MAGI2: variants seen among roughly 807,000 people sequenced by gnomAD.
MAGI2 encodes the protein membrane-associated guanylate kinase, WW and PDZ domain-containing protein 2.
MAGI2 carries 35 observed loss-of-function variants against 133.3 expected under a neutral mutation model. The observed-to-expected ratio is 0.26, with a 90% CI of 0.20 to 0.35. The LOEUF (loss-of-function observed/expected upper bound fraction) is 0.35. MAGI2 is among the 10% of genes least tolerant of loss of function. MAGI2 has a pLI of 1.00. For missense variants in MAGI2, 1,636 were observed against 1,863.4 expected (o/e 0.88, Z 2.25); for synonymous variants, 729 against 710.6 (o/e 1.03, Z -0.41).
chr7:78,816,708 C>A (rs1350796011), intron 2 of MAGI2, among the ~76,000 whole-genome samples: 1 of 152,048 alleles, frequency 6.6e-6, no homozygotes, highest in African/African-American at 2.4e-5. Flanking sequence ...ATATTTTAAG[C>A]CCACTGTTGA....
At chr7:79,260,075 C>G (rs1415865258) in intron 1 of MAGI2, among the ~76,000 whole-genome samples, 1 of 152,206 alleles carries the variant, frequency 6.6e-6, no homozygotes, top group African/African-American at 2.4e-5. Context: ...CAGTACAAGG[C>G]TGGGCATGGT....
intron 3 of MAGI2, among the ~76,000 whole-genome samples, chr7:78,542,977 A>G (rs931560777): frequency 6.6e-6 from 1 of 152,228 alleles, no homozygotes; most frequent in Non-Finnish European, 1.5e-5. Flanking sequence ...TGCATTAGAT[A>G]TCATTAAAAC....
intron 2 of MAGI2, among the ~76,000 whole-genome samples, chr7:78,755,073 T>C (rs902437812): frequency 1.3e-5 from 2 of 152,214 alleles, no homozygotes; most frequent in Non-Finnish European, 2.9e-5. Context: ...AGTAATATCA[T>C]TTACACTATG....
chr7:78,636,351 C>CTTTT (rs34984460), intron 2 of MAGI2, among the ~76,000 whole-genome samples: 17 of 129,218 alleles, frequency 1.3e-4, no homozygotes, highest in East Asian at 9.0e-4. Context: ...CAAAAACAGG[C>CTTTT]TTTTTTTTTT....
At chr7:78,159,286 G>A (rs529737842) in intron 16 of MAGI2, among the ~76,000 whole-genome samples, 1 of 152,252 alleles carries the variant, frequency 6.6e-6, no homozygotes, top group East Asian at 1.9e-4. Context: ...GAACCTACAG[G>A]GATGTTTAAA....
intron 2 of MAGI2, among the ~76,000 whole-genome samples, chr7:78,660,230 C>A (rs989591491): frequency 1.3e-5 from 2 of 151,868 alleles, no homozygotes; most frequent in African/African-American, 4.8e-5. Context: ...ATGTAACAAA[C>A]CTGCACGTTG....
intron 2 of MAGI2, among the ~76,000 whole-genome samples, chr7:78,666,361 T>C (rs1421236197): frequency 6.6e-6 from 1 of 152,194 alleles, no homozygotes; most frequent in Non-Finnish European, 1.5e-5. Flanking sequence ...ATAAACATTC[T>C]GTCCAGTTAC....
chr7:78,196,655 C>A (rs1828767519), intron 11 of MAGI2, among the ~76,000 whole-genome samples: 1 of 152,136 alleles, frequency 6.6e-6, no homozygotes, highest in African/African-American at 2.4e-5. Context: ...CTGTGTAACA[C>A]CAGAGACACC....
At chr7:78,475,341 G>T (rs971164695) in intron 6 of MAGI2, among the ~76,000 whole-genome samples, 4 of 151,988 alleles carry the variant, frequency 2.6e-5, no homozygotes, top group African/African-American at 9.7e-5. Flanking sequence ...CAAGGTAAAA[G>T]AATAGCTGGA....
chr7:78,806,911 A>G (rs1425179682), intron 2 of MAGI2, among the ~76,000 whole-genome samples: 1 of 149,668 alleles, frequency 6.7e-6, no homozygotes, highest in African/African-American at 2.5e-5. Flanking sequence ...ATAAAATAAA[A>G]TAAAATAAAA....
At chr7:78,506,424 T>C (rs1795093507) in intron 4 of MAGI2, among the ~76,000 whole-genome samples, 1 of 152,260 alleles carries the variant, frequency 6.6e-6, no homozygotes, top group Admixed American at 6.5e-5. Flanking sequence ...TAGATGGTAC[T>C]ATAATTTTAG....
intron 20 of MAGI2, among the ~76,000 whole-genome samples, chr7:78,105,673 C>T (rs73364710): frequency 0.026 from 3,975 of 152,048 alleles, 116 homozygotes; most frequent in African/African-American, 0.078. Flanking sequence ...GTTGCCTCTT[C>T]GCCACTTTTC....
At chr7:79,045,830 G>A (rs1486070890) in intron 1 of MAGI2, among the ~76,000 whole-genome samples, 5 of 152,114 alleles carry the variant, frequency 3.3e-5, no homozygotes, top group Non-Finnish European at 5.9e-5. Context: ...GATGGATGTG[G>A]CAATGAAAGG....
intron 1 of MAGI2, chr7:79,411,906 TTCA>T (rs1846168850): frequency 6.6e-6 from 1 of 150,450 alleles, no homozygotes; most frequent in Non-Finnish European, 1.5e-5. Context: ...TCAATTGAAA[TTCA>T]ATTGAAAAAT....
At chr7:78,552,176 C>CTTTT (rs869196799) in intron 3 of MAGI2, among the ~76,000 whole-genome samples, 67 of 90,320 alleles carry the variant, frequency 7.4e-4, no homozygotes, top group African/African-American at 1.1e-3. Flanking sequence ...ATTTGTTTTC[C>CTTTT]TTTTTTTTTT....
At chr7:78,873,879 G>T (rs1378638884) in intron 2 of MAGI2, among the ~76,000 whole-genome samples, 5 of 151,936 alleles carry the variant, frequency 3.3e-5, no homozygotes, top group African/African-American at 7.3e-5. Flanking sequence ...GCTCACAGGG[G>T]AGAGGTAATG....
chr7:78,070,287 G>A (rs1814448307), intron 21 of MAGI2, among the ~76,000 whole-genome samples: 1 of 146,764 alleles, frequency 6.8e-6, no homozygotes, highest in Non-Finnish European at 1.5e-5. Context: ...CGCAGTGGAA[G>A]GTGTTCTTGA....
chr7:78,048,176 T>G (rs1811625445), intron 21 of MAGI2, among the ~76,000 whole-genome samples: 1 of 152,232 alleles, frequency 6.6e-6, no homozygotes, highest in South Asian at 2.1e-4. Context: ...ATGGAGACTC[T>G]GAAATTAAAT....
At chr7:78,144,123 G>A (rs1474874955) in intron 16 of MAGI2, among the ~76,000 whole-genome samples, 1 of 151,862 alleles carries the variant, frequency 6.6e-6, no homozygotes, top group Non-Finnish European at 1.5e-5. Flanking sequence ...AGAAGTGTTA[G>A]GCATTAAAGC....
Sources: gnomAD v4.1 joint callset for allele counts (sites outside exome capture counted in the v4.1 genomes callset) on GRCh38, gnomAD v4.1.1 for gene constraint, MANE v1.5 for transcripts, NCBI Gene and HGNC (gene_info 2026-07-23, HGNC 2026-07-21) for gene names.